SMARCC1: variants seen among roughly 807,000 people sequenced by gnomAD.
The protein encoded by SMARCC1 is SWI/SNF related BAF chromatin remodeling complex subunit C1, also known as SWI/SNF complex subunit SMARCC1.
A neutral mutation model predicts 147.4 loss-of-function variants in SMARCC1; 43 were observed. The ratio of observed to expected loss-of-function variants is 0.29; its 90% CI spans 0.23 to 0.38. SMARCC1 has a LOEUF of 0.38. Among genes scored for constraint, SMARCC1 ranks in the 10% least tolerant of loss-of-function variants. SMARCC1 has a pLI of 1.00. For synonymous variants in SMARCC1, 495 were observed against 484.4 expected (o/e 1.02, Z -0.29); for missense variants, 1,119 against 1,381.1 (o/e 0.81, Z 3.01).
intron 26 of SMARCC1, among the ~76,000 whole-genome samples, chr3:47,608,083 ACTG>A (rs2032505892): frequency 6.6e-6 from 1 of 152,170 alleles, no homozygotes; most frequent in Non-Finnish European, 1.5e-5. Flanking sequence ...TCCTATAAGA[ACTG>A]ATTTTCAGGG....
intron 19 of SMARCC1, among the ~76,000 whole-genome samples, chr3:47,669,912 G>A (rs1318747884): frequency 2.6e-5 from 4 of 152,252 alleles, no homozygotes; most frequent in South Asian, 2.1e-4. Flanking sequence ...GGAGGACTGC[G>A]ATGTCAAACA....
chr3:47,777,109 T>C (rs1191925301), intron 1 of SMARCC1, among the ~76,000 whole-genome samples: 2 of 145,832 alleles, frequency 1.4e-5, no homozygotes, highest in African/African-American at 2.6e-5. Context: ...TTTGAGAGAG[T>C]CTTGCTCTGT....
intron 6 of SMARCC1, among the ~76,000 whole-genome samples, chr3:47,727,202 G>C (rs2034310037): frequency 6.7e-6 from 1 of 149,632 alleles, no homozygotes; most frequent in African/African-American, 2.5e-5. Flanking sequence ...GACACAGCAA[G>C]ACTCCACCTT....
intron 21 of SMARCC1, among the ~76,000 whole-genome samples, chr3:47,658,822 CAA>C (rs1382840421): frequency 6.6e-6 from 1 of 152,038 alleles, no homozygotes; most frequent in Non-Finnish European, 1.5e-5. Context: ...AGAATTATAA[CAA>C]GAGACAGAAT....
chr3:47,697,746 G>A (rs1234318111), intron 11 of SMARCC1, among the ~76,000 whole-genome samples: 1 of 151,512 alleles, frequency 6.6e-6, no homozygotes, highest in Non-Finnish European at 1.5e-5. Flanking sequence ...AGTGGCTCAC[G>A]CCTGTAATCC....
intron 26 of SMARCC1, among the ~76,000 whole-genome samples, chr3:47,607,869 C>T (rs2032501722): frequency 6.6e-6 from 1 of 151,912 alleles, no homozygotes; most frequent in Admixed American, 6.6e-5. Flanking sequence ...TCAGTGAGAC[C>T]CAACCTCTTT....
intron 15 of SMARCC1, among the ~76,000 whole-genome samples, chr3:47,679,326 C>T (rs2106759852): frequency 6.6e-6 from 1 of 151,994 alleles, no homozygotes; most frequent in Non-Finnish European, 1.5e-5. Flanking sequence ...GAAGTATATA[C>T]TGATGAATCA....
At chr3:47,761,141 G>GAAAAA (rs1218134849) in intron 2 of SMARCC1, among the ~76,000 whole-genome samples, 3 of 150,910 alleles carry the variant, frequency 2.0e-5, no homozygotes, top group Non-Finnish European at 4.4e-5. Flanking sequence ...TAAAAAAAAA[G>GAAAAA]AAAAGAAAAG....
At chr3:47,659,546 T>C (rs991429269) in intron 21 of SMARCC1, among the ~76,000 whole-genome samples, 3 of 152,040 alleles carry the variant, frequency 2.0e-5, no homozygotes, top group African/African-American at 7.2e-5. Context: ...TGAGAATCAA[T>C]TACAGAATAA....
At position 47,686,038 on chromosome 3, in the gene SMARCC1, G is replaced by GT; in HGVS notation, c.1385+10_1385+11insA. 6.2e-7 allele frequency: 1 copy of GT among 1,611,926 alleles called. No homozygotes were observed. The highest frequency in any genetic ancestry group is 8.5e-7 in the Non-Finnish European group (1 of 1,178,484). On this transcript the variant is annotated intron_variant, in intron 14 of 27. Coordinates refer to ENST00000254480, the MANE Select transcript of SMARCC1 (RefSeq NM_003074.4). ...CAGTACCATGCTCACAGATGGAAGTGGTCCACTCACCAGTTATAATCAAAC... is the reference window on the plus strand; with the variant it reads ...CAGTACCATGCTCACAGATGGAAGTGTGTCCACTCACCAGTTATAATCAAAC...
At chr3:47,717,875 T>C (rs900656922) in intron 7 of SMARCC1, among the ~76,000 whole-genome samples, 1 of 151,868 alleles carries the variant, frequency 6.6e-6, no homozygotes, top group Admixed American at 6.6e-5. Flanking sequence ...CCATGATATT[T>C]TATATTAAGG....
At chr3:47,657,780 T>C (rs963530521) in intron 21 of SMARCC1, among the ~76,000 whole-genome samples, 3 of 151,870 alleles carry the variant, frequency 2.0e-5, no homozygotes, top group African/African-American at 4.8e-5. Flanking sequence ...ACCACTGCAC[T>C]TCAGCCTAGG....
chr3:47,754,333 G>A (rs1016794236), intron 2 of SMARCC1, among the ~76,000 whole-genome samples: 6 of 151,920 alleles, frequency 3.9e-5, no homozygotes, highest in African/African-American at 1.5e-4. Flanking sequence ...CTCCTCAGTA[G>A]CTGGGACTGC....
intron 11 of SMARCC1, among the ~76,000 whole-genome samples, chr3:47,696,025 C>G (rs1317339071): frequency 6.9e-6 from 1 of 145,704 alleles, no homozygotes; most frequent in African/African-American, 2.6e-5. Flanking sequence ...CGAGATTATG[C>G]CACGGCACTC....
intron 1 of SMARCC1, among the ~76,000 whole-genome samples, chr3:47,774,879 C>T (rs993336083): frequency 2.0e-5 from 3 of 151,866 alleles, no homozygotes; most frequent in Non-Finnish European, 4.4e-5. Flanking sequence ...TAATGACAGC[C>T]ACCGCAGCCT....
In SMARCC1 at chr3:47,701,958, G is replaced by A. The variant is rs79143001; in HGVS notation, c.1041-556C>T. On this transcript the variant is annotated intron_variant, in intron 10 of 27. Transcript: ENST00000254480. ...GCAAAAAATCCTACTAGACAATTGC[G>A]GGCAGTATCACAAAAGGGACCTAAA... Among the ~76,000 whole-genome samples, 380 of 151,956 alleles carry A rather than the reference G, an allele frequency of 2.5e-3. 1 individual carries two copies. The highest frequency in any genetic ancestry group is 8.5e-3 in the African/African-American group (350 of 41,414).
chr3:47,608,345 C>T (rs1017262354), intron 26 of SMARCC1, among the ~76,000 whole-genome samples: 1 of 152,176 alleles, frequency 6.6e-6, no homozygotes, highest in Non-Finnish European at 1.5e-5. Flanking sequence ...CCTCGGCCTC[C>T]CAAAGTGCTG....
chr3:47,684,239 CAAAA>C (rs759227252), intron 14 of SMARCC1, among the ~76,000 whole-genome samples: 6 of 49,538 alleles, frequency 1.2e-4, no homozygotes, highest in Admixed American at 6.4e-4. Flanking sequence ...GACTCCGTCT[CAAAA>C]AAAAAAAAAA....
intron 2 of SMARCC1, among the ~76,000 whole-genome samples, chr3:47,750,391 C>T (rs771429063): frequency 2.0e-5 from 3 of 151,974 alleles, no homozygotes; most frequent in African/African-American, 7.2e-5. Context: ...GCCGGGATCG[C>T]GCCAGGGCAC....
Sources: gnomAD v4.1 joint callset for allele counts (sites outside exome capture counted in the v4.1 genomes callset) on GRCh38, gnomAD v4.1.1 for gene constraint, MANE v1.5 for transcripts, NCBI Gene and HGNC (gene_info 2026-07-23, HGNC 2026-07-21) for gene names.